RAD51B: variants seen among roughly 807,000 people sequenced by gnomAD.
RAD51B encodes RAD51 paralog B.
A neutral mutation model predicts 42.2 loss-of-function variants in RAD51B; 38 were observed. The observed-to-expected ratio is 0.90, with a 90% CI of 0.70 to 1.18. The LOEUF (loss-of-function observed/expected upper bound fraction) is 1.18, where lower values mean the gene tolerates loss of function less well. RAD51B is among the 50% of genes most tolerant of loss of function. The pLI, the probability that RAD51B is intolerant of heterozygous loss-of-function variation, is 0.00. For synonymous variants in RAD51B, 154 were observed against 145.2 expected, an observed-to-expected ratio of 1.06 and a Z score of -0.43; for missense variants, 373 against 400.7, an observed-to-expected ratio of 0.93 and a Z score of 0.59.
At chr14:67,825,041 G>A (rs1783579947) in intron 2 of RAD51B, among the ~76,000 whole-genome samples, 2 of 121,714 alleles carry the variant, frequency 1.6e-5, no homozygotes, top group Admixed American at 2.2e-4. Context: ...TCGTGCCACT[G>A]CACTCCAGCC....
intron 8 of RAD51B, among the ~76,000 whole-genome samples, chr14:68,398,377 A>C (rs2083988270): frequency 6.6e-6 from 1 of 152,026 alleles, no homozygotes; most frequent in African/African-American, 2.4e-5. Context: ...CCCTACTTGC[A>C]CTCTGTTCCT....
At chr14:68,549,246 G>A (rs1344717769) in intron 10 of RAD51B, among the ~76,000 whole-genome samples, 1 of 151,730 alleles carries the variant, frequency 6.6e-6, no homozygotes, top group Admixed American at 6.6e-5. Flanking sequence ...GTCACAGAAT[G>A]TTCCAGGGGG....
At chr14:68,483,364 A>T (rs1883353124) in intron 10 of RAD51B, among the ~76,000 whole-genome samples, 1 of 152,174 alleles carries the variant, frequency 6.6e-6, no homozygotes, top group South Asian at 2.1e-4. Flanking sequence ...AAGACCAAAC[A>T]GTTTTGCAGC....
intron 7 of RAD51B, among the ~76,000 whole-genome samples, chr14:67,970,891 A>G (rs2074884037): frequency 6.6e-6 from 1 of 152,078 alleles, no homozygotes. Context: ...ATGTCACCCC[A>G]AGTGTTATAA....
chr14:68,618,400 T>A (rs142271027), intron 10 of RAD51B, among the ~76,000 whole-genome samples: 1 of 152,198 alleles, frequency 6.6e-6, no homozygotes, highest in Non-Finnish European at 1.5e-5. Context: ...AAAGTTGCAC[T>A]GTCACCATCC....
intron 7 of RAD51B, among the ~76,000 whole-genome samples, chr14:68,039,871 A>G (rs1374281437): frequency 6.6e-6 from 1 of 152,210 alleles, no homozygotes; most frequent in East Asian, 1.9e-4. Context: ...CATCTCTTTG[A>G]CCACAAATTA....
chr14:68,476,203 A>G (rs546513087), intron 10 of RAD51B, among the ~76,000 whole-genome samples: 5 of 152,344 alleles, frequency 3.3e-5, no homozygotes, highest in South Asian at 2.1e-4. Flanking sequence ...TATTCCAAGT[A>G]GGATGACTGA....
At chr14:68,572,691 T>C (rs1594986196) in intron 10 of RAD51B, among the ~76,000 whole-genome samples, 1 of 152,090 alleles carries the variant, frequency 6.6e-6, no homozygotes, top group East Asian at 1.9e-4. Flanking sequence ...TGTCCCGACC[T>C]CCCAGTGGGT....
intron 7 of RAD51B, among the ~76,000 whole-genome samples, chr14:68,075,718 TG>T (rs1386967780): frequency 1.3e-5 from 2 of 150,372 alleles, no homozygotes; most frequent in African/African-American, 4.9e-5. Context: ...AGCCAGGGGG[TG>T]GGATAGCTGC....
intron 7 of RAD51B, among the ~76,000 whole-genome samples, chr14:68,004,301 C>T (rs1438051976): frequency 4.1e-5 from 6 of 145,766 alleles, no homozygotes; most frequent in Non-Finnish European, 7.5e-5. Context: ...CCACTGCACT[C>T]CAGCCTGGGC....
intron 7 of RAD51B, among the ~76,000 whole-genome samples, chr14:67,958,807 A>G (rs1437462241): frequency 6.6e-6 from 1 of 152,246 alleles, no homozygotes; most frequent in Admixed American, 6.5e-5. Flanking sequence ...TCTAAATTAT[A>G]AAACTGGGCA....
At chr14:68,638,122 G>A (rs1284275214) in intron 10 of RAD51B, among the ~76,000 whole-genome samples, 1 of 152,238 alleles carries the variant, frequency 6.6e-6, no homozygotes, top group Admixed American at 6.5e-5. Flanking sequence ...AGGCCTGGAA[G>A]AGGAGAGAAA....
At chr14:68,680,407 A>T (rs956172808) in intron 11 of RAD51B, among the ~76,000 whole-genome samples, 4 of 152,236 alleles carry the variant, frequency 2.6e-5, no homozygotes, top group African/African-American at 9.6e-5. Flanking sequence ...ACTGTAGTTT[A>T]AAAAAATTAG....
At chr14:68,385,091 C>T (rs906600677) in intron 8 of RAD51B, among the ~76,000 whole-genome samples, 2 of 151,822 alleles carry the variant, frequency 1.3e-5, no homozygotes, top group African/African-American at 4.8e-5. Flanking sequence ...CTCATTAGTT[C>T]GGACACCACA....
chr14:68,313,694 AG>A (rs1257951280), intron 8 of RAD51B, among the ~76,000 whole-genome samples: 2 of 152,218 alleles, frequency 1.3e-5, no homozygotes, highest in Non-Finnish European at 2.9e-5. Context: ...CCTATCATAG[AG>A]ATGCAAACAA....
At chr14:68,017,319 C>A (rs1317097222) in intron 7 of RAD51B, among the ~76,000 whole-genome samples, 5 of 152,048 alleles carry the variant, frequency 3.3e-5, no homozygotes, top group Admixed American at 1.3e-4. Flanking sequence ...CCTCAGCCTC[C>A]TGACTAGCTG....
At chr14:67,851,394 A>T (rs565446540) in intron 4 of RAD51B, among the ~76,000 whole-genome samples, 1 of 152,180 alleles carries the variant, frequency 6.6e-6, no homozygotes, top group South Asian at 2.1e-4. Flanking sequence ...TCACAGGTCT[A>T]TGGGGGTAAG....
chr14:67,940,655 A>T (rs540095604), intron 7 of RAD51B, among the ~76,000 whole-genome samples: 1 of 152,150 alleles, frequency 6.6e-6, no homozygotes, highest in South Asian at 2.1e-4. Context: ...ATAAGTTCTC[A>T]TTACCTCAGT....
intron 4 of RAD51B, among the ~76,000 whole-genome samples, chr14:67,856,639 G>A (rs1324747410): frequency 1.3e-5 from 2 of 152,124 alleles, no homozygotes; most frequent in African/African-American, 4.8e-5. Context: ...CATCTTGAAT[G>A]TGAGGAGAGT....
Sources: allele counts gnomAD v4.1 joint callset (sites outside exome capture counted in the v4.1 genomes callset), GRCh38; gene constraint gnomAD v4.1.1; transcripts MANE v1.5; gene names NCBI Gene and HGNC (gene_info 2026-07-23, HGNC 2026-07-21).